The following SLC35F1 variants were observed in gnomAD, a reference collection of about 807,000 sequenced individuals.
The protein encoded by SLC35F1 is solute carrier family 35 member F1, also known as chromosome 6 open reading frame 169.
A neutral mutation model predicts 48.7 loss-of-function variants in SLC35F1; 14 were observed. That is an observed-to-expected ratio of 0.29 (90% CI 0.19 to 0.45). The LOEUF is 0.45. Ranked by LOEUF, SLC35F1 falls within the 20% of genes least tolerant of loss-of-function variation. SLC35F1 has a pLI of 1.00. For synonymous variants in SLC35F1, 190 were observed against 202.2 expected, an observed-to-expected ratio of 0.94 and a Z score of 0.51; for missense variants, 404 against 500.0, an observed-to-expected ratio of 0.81 and a Z score of 1.83.
intron 3 of SLC35F1, among the ~76,000 whole-genome samples, chr6:118,258,834 C>T (rs1193962797): frequency 6.6e-6 from 1 of 151,812 alleles, no homozygotes; most frequent in African/African-American, 2.4e-5. Context: ...TAATAAGAAA[C>T]TGAATTAGCT....
intron 4 of SLC35F1, among the ~76,000 whole-genome samples, chr6:118,274,416 G>C (rs996964415): frequency 6.6e-6 from 1 of 151,868 alleles, no homozygotes; most frequent in Non-Finnish European, 1.5e-5. Context: ...TTATTTATTT[G>C]AGACAGAATG....
At chr6:118,313,966 T>G (rs970662473) in intron 7 of SLC35F1, 62 bp from the exon 8 acceptor site, 3 of 1,483,628 alleles carry the variant, frequency 2.0e-6, no homozygotes, top group South Asian at 1.1e-5. Context: ...TCTGTGTGCC[T>G]CATTAATGTG....
intron 2 of SLC35F1, among the ~76,000 whole-genome samples, chr6:118,176,351 A>T (rs1774488545): frequency 6.6e-6 from 1 of 152,054 alleles, no homozygotes; most frequent in Non-Finnish European, 1.5e-5. Flanking sequence ...GAGGAGATTG[A>T]TTAATTCCCT....
chr6:118,065,415 G>A lies in SLC35F1; in HGVS notation c.174-89030G>A, dbSNP rs534933695. Among the ~76,000 whole-genome samples, 5 of 152,196 alleles carry A rather than the reference G, an allele frequency of 3.3e-5. No homozygotes were observed. In the South Asian group the frequency reaches 1.0e-3, roughly 32 times the overall value. On this transcript the variant is annotated intron_variant, in intron 1 of 7. Transcript: ENST00000360388. Reference sequence around the variant, plus strand: ...TATACTGTGTTGCCTATGTCAGGCTGTACTCACAACAAAAAAGGCATTCTG... The same window carrying A: ...TATACTGTGTTGCCTATGTCAGGCTATACTCACAACAAAAAAGGCATTCTG...
chr6:118,285,098 G>A (rs1294292608), intron 6 of SLC35F1, 86 bp from the exon 7 acceptor site: 1 of 1,427,978 alleles, frequency 7.0e-7, no homozygotes, highest in Non-Finnish European at 9.7e-7. Flanking sequence ...CAAGTGGTGT[G>A]CACTCTTCCC....
chr6:118,098,939 T>C (rs1773217707), intron 1 of SLC35F1, among the ~76,000 whole-genome samples: 2 of 152,324 alleles, frequency 1.3e-5, no homozygotes, highest in Middle Eastern at 3.4e-3. Context: ...ACCACTGTGT[T>C]TGGCCTATTT....
intron 1 of SLC35F1, among the ~76,000 whole-genome samples, chr6:117,992,389 C>T (rs1776930691): frequency 6.6e-6 from 1 of 152,160 alleles, no homozygotes; most frequent in Admixed American, 6.6e-5. Context: ...TACATTGGAG[C>T]AGATGTGAAC....
At chr6:118,057,420 A>AG (rs768109902) in intron 1 of SLC35F1, among the ~76,000 whole-genome samples, 9 of 152,044 alleles carry the variant, frequency 5.9e-5, no homozygotes, top group Non-Finnish European at 7.4e-5. Context: ...AAGCAGGAGG[A>AG]GGGGAGGCTG....
At chr6:118,187,292 C>T (rs1369813322) in intron 2 of SLC35F1, among the ~76,000 whole-genome samples, 1 of 152,158 alleles carries the variant, frequency 6.6e-6, no homozygotes, top group Admixed American at 6.5e-5. Flanking sequence ...ATTTCTATTT[C>T]TTTCTCCCTC....
rs146993098 is a variant in SLC35F1 at position 118,187,314 on chromosome 6, C to T, written c.349+32694C>T. On this transcript the variant is annotated intron_variant, in intron 2 of 7. Transcript: ENST00000360388. ...TTTCTTTCTCCCTCACCATCTTTGC[C>T]GAGACTGACAAATGTTCCAGTTAAT... Among the ~76,000 whole-genome samples the T allele has an allele frequency of 5.2e-3, 791 of 152,182 alleles. 11 individuals carry two copies. The highest frequency in any genetic ancestry group is 0.018 in the African/African-American group (756 of 41,516).
intron 1 of SLC35F1, among the ~76,000 whole-genome samples, chr6:118,003,975 G>A (rs1047043418): frequency 6.6e-6 from 1 of 152,172 alleles, no homozygotes; most frequent in Non-Finnish European, 1.5e-5. Flanking sequence ...CTTATTTTGT[G>A]ATATAGTGAT....
At chr6:118,111,053 T>C (rs1773392873) in intron 1 of SLC35F1, among the ~76,000 whole-genome samples, 1 of 152,030 alleles carries the variant, frequency 6.6e-6, no homozygotes, top group African/African-American at 2.4e-5. Context: ...TCCTCCCCCA[T>C]AGTAAGGAGT....
At chr6:118,007,765 G>A (rs1242589842) in intron 1 of SLC35F1, among the ~76,000 whole-genome samples, 1 of 152,124 alleles carries the variant, frequency 6.6e-6, no homozygotes, top group Admixed American at 6.5e-5. Flanking sequence ...CTCTGCTCAG[G>A]TTGGGCTGCA....
At chr6:118,251,502 T>G (rs966558787) in intron 3 of SLC35F1, among the ~76,000 whole-genome samples, 1 of 152,062 alleles carries the variant, frequency 6.6e-6, no homozygotes, top group Non-Finnish European at 1.5e-5. Flanking sequence ...AAGAAGAAGA[T>G]GAAAAAGTAC....
At chr6:118,275,642 A>G (rs749202091) in intron 5 of SLC35F1, 27 bp downstream of exon 5, 4 of 1,607,732 alleles carry the variant, frequency 2.5e-6, no homozygotes, top group Non-Finnish European at 3.4e-6. Context: ...AGAAATATAG[A>G]TAGTAGAGGG....
chr6:118,142,542 C>T (rs557922901), intron 1 of SLC35F1, among the ~76,000 whole-genome samples: 117 of 145,406 alleles, frequency 8.0e-4, no homozygotes, highest in African/African-American at 2.8e-3. Flanking sequence ...GCAGGAGTGG[C>T]AGTAACAGAA....
At chr6:118,243,912 G>A (rs1002305800) in intron 3 of SLC35F1, among the ~76,000 whole-genome samples, 10 of 152,138 alleles carry the variant, frequency 6.6e-5, no homozygotes, top group African/African-American at 2.4e-4. Flanking sequence ...TACATTAAAA[G>A]GCAAAGCTTT....
intron 1 of SLC35F1, among the ~76,000 whole-genome samples, chr6:118,125,923 G>A (rs530466546): frequency 9.2e-5 from 14 of 152,274 alleles, no homozygotes; most frequent in South Asian, 8.3e-4. Flanking sequence ...GTGGATAATC[G>A]CTGTTCTTTT....
chr6:118,217,402 C>T lies in SLC35F1; in HGVS notation c.350-18107C>T, dbSNP rs147967062. Among the ~76,000 whole-genome samples the T allele has an allele frequency of 3.9e-5, 6 of 152,066 alleles. No homozygotes were observed. In the East Asian group the frequency reaches 1.2e-3, roughly 29 times the overall value. On this transcript the variant is annotated intron_variant, in intron 2 of 7. Coordinates refer to ENST00000360388, the MANE Select transcript of SLC35F1 (RefSeq NM_001029858.4). The stretch of plus-strand genomic sequence containing the variant: ...TGAAAGGACAAATAATATATGATTC[C>T]ACTTGTATGAGGTACCTAGAATCAT...
Sources: allele counts gnomAD v4.1 joint callset (sites outside exome capture counted in the v4.1 genomes callset), GRCh38; gene constraint gnomAD v4.1.1; transcripts MANE v1.5; gene names NCBI Gene and HGNC (gene_info 2026-07-23, HGNC 2026-07-21).